STARD9: variants seen among roughly 807,000 people sequenced by gnomAD.
The protein encoded by STARD9 is stAR-related lipid transfer protein 9.
In STARD9, 346 loss-of-function variants were observed where a neutral mutation model predicts 399.8. The observed-to-expected ratio is 0.87, with a 90% CI of 0.79 to 0.95. The LOEUF is 0.95. Ranked by LOEUF, STARD9 falls within the 40% of genes least tolerant of loss-of-function variation. The pLI, the probability that STARD9 is intolerant of heterozygous loss-of-function variation, is 0.00. For synonymous variants in STARD9, 2,203 were observed against 2,143.5 expected (o/e 1.03, Z -0.77); for missense variants, 5,832 against 5,667.5 (o/e 1.03, Z -0.93).
At position 42,643,066 on chromosome 15, in the gene STARD9, T is replaced by C. The variant is rs551752649; in HGVS notation, c.559+4254T>C. Among the ~76,000 whole-genome samples, 6 of 152,028 alleles carry C rather than the reference T, an allele frequency of 3.9e-5. No individual in the cohort carries two copies. In the East Asian group the frequency reaches 5.8e-4, roughly 15 times the overall value. On this transcript the variant is annotated intron_variant, in intron 7 of 32. Coordinates refer to ENST00000290607, the MANE Select transcript of STARD9 (RefSeq NM_020759.3). ...TTAATTCCAATCTTTGGTATACTAA[T>C]ACATTTATAAAATAAAATAAGGATG...
chr15:42,673,873 C>T, intron 16 of STARD9: 2 of 455,320 alleles, frequency 4.4e-6, no homozygotes, highest in Non-Finnish European at 8.8e-6. Context: ...TCTTCCAGTT[C>T]TTTTTTATTC....
chr15:42,692,879 T>C lies in STARD9; in HGVS notation c.11301T>C (p.Asp3767=), dbSNP rs1347834563. The stretch of plus-strand genomic sequence containing the variant: ...TGATCCTTGAAGGGCTAGGCTCAGA[T>C]ACCTCGACTGTGTCTCAAGAAGAGG... ...ANVILEGLGS[D]TSTVSQEEGD... Residue 3767 remains aspartate (D), a synonymous_variant, in exon 23 of 33, where the codon GAT becomes GAC. Coordinates refer to ENST00000290607, the MANE Select transcript of STARD9 (RefSeq NM_020759.3). 6.5e-7 allele frequency: 1 copy of C among 1,537,108 alleles called. No homozygotes were observed. Among genetic ancestry groups the C allele is most frequent in the African/African-American group, 1.4e-5 (1 of 73,034 alleles).
At position 42,686,559 on chromosome 15, in the gene STARD9, A is replaced by G. The variant is rs2140241421; in HGVS notation, c.4981A>G (p.Thr1661Ala). 2 of 1,537,526 alleles carry G rather than the reference A, an allele frequency of 1.3e-6. No individual in the cohort carries two copies. The highest frequency in any genetic ancestry group is 1.4e-5 in the African/African-American group (1 of 73,172). ...QKNACHSNVT[T>A]ATKADHWSQG... ...GAACGCTTGTCACAGTAATGTCACTACAGCCACCAAAGCAGACCATTGGTC... is the reference window on the plus strand; with the variant it reads ...GAACGCTTGTCACAGTAATGTCACTGCAGCCACCAAAGCAGACCATTGGTC... The change falls in exon 23 of 33, where the codon ACA becomes GCA. Residue 1661 changes from threonine (T) to alanine (A), a missense_variant. By Grantham distance (58) the Thr-to-Ala change is moderately conservative. Around this residue, in one of 2 missense-constraint regions of STARD9, gnomAD observed 5,828 missense variants for 5,651.1 expected, o/e 1.03. Transcript: ENST00000290607.
chr15:42,607,491 C>T (rs1233036569), intron 3 of STARD9, among the ~76,000 whole-genome samples: 1 of 151,976 alleles, frequency 6.6e-6, no homozygotes, highest in Non-Finnish European at 1.5e-5. Flanking sequence ...GTGTGAGCCA[C>T]TGTGCCCACC....
Position 42,686,864 on chromosome 15 carries a change from G to A in STARD9, c.5286G>A (p.Glu1762=), listed in dbSNP as rs2060571359. ...ATGCCCTGACAGAAACTGCCTTAGA[G>A]ATTCCAGCTTGCAGAGAAGTAAGGG... The part of the protein sequence containing the change: ...SRDALTETAL[E]IPACREVRVP... Residue 1762 remains glutamate (E), a synonymous_variant, in exon 23 of 33, where the codon GAG becomes GAA. Coordinates refer to ENST00000290607, the MANE Select transcript of STARD9 (RefSeq NM_020759.3). The A allele has an allele frequency of 6.5e-7, 1 of 1,536,924 alleles. No individual in the cohort carries two copies. The highest frequency in any genetic ancestry group is 1.4e-5 in the African/African-American group (1 of 73,028).
intron 3 of STARD9, among the ~76,000 whole-genome samples, chr15:42,594,116 G>A (rs1410507600): frequency 2.6e-5 from 4 of 152,152 alleles, no homozygotes; most frequent in African/African-American, 9.7e-5. Flanking sequence ...AAAAGAGAGT[G>A]TGCTATAGAT....
chr15:42,601,888 C>T (rs759262066), intron 3 of STARD9, among the ~76,000 whole-genome samples: 6 of 152,218 alleles, frequency 3.9e-5, no homozygotes, highest in Non-Finnish European at 8.8e-5. Flanking sequence ...TGCTCTGTCA[C>T]CTGGGCTGGA....
At position 42,637,943 on chromosome 15, in the gene STARD9, T is replaced by C. The variant is rs935530036; in HGVS notation, c.384+4T>C. On this transcript the variant is annotated splice_donor_region_variant and intron_variant, in intron 5 of 32. Coordinates refer to ENST00000290607, the MANE Select transcript of STARD9 (RefSeq NM_020759.3). ...GTTGACACCACGGATATGTGAGGTA[T>C]AGACTATCTTTTGGCTGGATCCTCT... 7.2e-6 allele frequency: 11 copies of C among 1,537,178 alleles called. No individual in the cohort carries two copies. The highest frequency in any genetic ancestry group is 9.6e-6 in the Non-Finnish European group (11 of 1,146,924).
At chr15:42,708,263 C>A (rs1308308845) in intron 26 of STARD9, among the ~76,000 whole-genome samples, 1 of 152,236 alleles carries the variant, frequency 6.6e-6, no homozygotes, top group Admixed American at 6.5e-5. Context: ...AAAACTTCTT[C>A]AATGGAAGAT....
chr15:42,606,993 G>A (rs1270014032), intron 3 of STARD9, among the ~76,000 whole-genome samples: 1 of 151,814 alleles, frequency 6.6e-6, no homozygotes, highest in Non-Finnish European at 1.5e-5. Context: ...TGTCTCCCAG[G>A]CTGGAGTGCA....
intron 3 of STARD9, among the ~76,000 whole-genome samples, chr15:42,609,629 C>T (rs992240537): frequency 2.6e-5 from 4 of 151,616 alleles, no homozygotes; most frequent in South Asian, 2.1e-4. Context: ...TAATAGAGAT[C>T]GGGTTTCACC....
At chr15:42,595,492 A>G (rs369284485) in intron 3 of STARD9, among the ~76,000 whole-genome samples, 7 of 152,190 alleles carry the variant, frequency 4.6e-5, no homozygotes, top group South Asian at 2.1e-4. Context: ...TAAAGGTTCA[A>G]TGTATGACTG....
chr15:42,666,664 A>G (rs1340669136), intron 15 of STARD9, among the ~76,000 whole-genome samples: 1 of 152,188 alleles, frequency 6.6e-6, no homozygotes, highest in Non-Finnish European at 1.5e-5. Flanking sequence ...TGGAAAATTA[A>G]TATGATAGTT....
chr15:42,707,971 T>G (rs1310951276), intron 26 of STARD9, among the ~76,000 whole-genome samples: 3 of 145,062 alleles, frequency 2.1e-5, no homozygotes, highest in Non-Finnish European at 3.0e-5. Context: ...CCCAGGAGTT[T>G]GAGTCCAGAC....
In STARD9 at chr15:42,695,734, C is replaced by T. The variant is rs1365317049; in HGVS notation, c.13147-9C>T. On this transcript the variant is annotated splice_polypyrimidine_tract_variant and intron_variant, in intron 25 of 32. Transcript: ENST00000290607. ...CAGAAGCTGGTTAATGGTGATTTGTCCTTCCCAGGAAGAGGATAAACTACA... is the reference window on the plus strand; with the variant it reads ...CAGAAGCTGGTTAATGGTGATTTGTTCTTCCCAGGAAGAGGATAAACTACA... 3 of 1,536,128 alleles carry T rather than the reference C, an allele frequency of 2.0e-6. No individual in the cohort carries two copies. The highest frequency in any genetic ancestry group is 1.7e-6 in the Non-Finnish European group (2 of 1,146,268).
chr15:42,717,709 G>A, intron 28 of STARD9, 22 bp from the exon 29 acceptor site: 2 of 1,536,580 alleles, frequency 1.3e-6, no homozygotes, highest in Non-Finnish European at 1.7e-6. Context: ...TCCTAATTTG[G>A]GTGTGGCCAT....
Position 42,694,726 on chromosome 15 carries a change from G to A in STARD9, c.12962+1G>A. The stretch of plus-strand genomic sequence containing the variant: ...GGAAGGATGTTGTGGAGACCACCAG[G>A]TAGTGTGGACCGAGAACCCTGCTGG... On this transcript the variant is annotated splice_donor_variant, in intron 24 of 32. Transcript: ENST00000290607. LOFTEE classifies it high-confidence loss of function. The A allele has an allele frequency of 6.5e-7, 1 of 1,537,006 alleles. No individual in the cohort carries two copies. Among genetic ancestry groups the A allele is most frequent in the South Asian group, 1.2e-5 (1 of 84,038 alleles).
intron 9 of STARD9, among the ~76,000 whole-genome samples, chr15:42,656,327 TAAAAAAAAAAAAA>T (rs869264641): frequency 3.8e-3 from 134 of 35,312 alleles, no homozygotes; most frequent in African/African-American, 6.4e-3. Flanking sequence ...AGCCATCTCC[TAAAAAAAAAAAAA>T]AAAAAAAAAA....
intron 3 of STARD9, among the ~76,000 whole-genome samples, chr15:42,610,651 C>CAA: frequency 6.6e-6 from 1 of 152,092 alleles, no homozygotes; most frequent in Non-Finnish European, 1.5e-5. Context: ...CGGGTTCAAG[C>CAA]TTCTCCTGCC....
Sources: allele counts gnomAD v4.1 joint callset (sites outside exome capture counted in the v4.1 genomes callset), GRCh38; gene constraint gnomAD v4.1.1; regional missense constraint gnomAD v4.1.1; transcripts MANE v1.5; gene names NCBI Gene and HGNC (gene_info 2026-07-23, HGNC 2026-07-21).